The following ZSCAN25 variants were observed in gnomAD, a reference collection of about 807,000 sequenced individuals.
ZSCAN25 encodes the protein zinc finger and SCAN domain-containing protein 25.
A neutral mutation model predicts 38.7 loss-of-function variants in ZSCAN25; 27 were observed. The ratio of observed to expected loss-of-function variants is 0.70; its 90% CI spans 0.51 to 0.96. The LOEUF (loss-of-function observed/expected upper bound fraction) is 0.96. Among genes scored for constraint, ZSCAN25 ranks in the 40% least tolerant of loss-of-function variants. The pLI is 0.00. For missense variants in ZSCAN25, 637 were observed against 705.9 expected (o/e 0.90, Z 1.11); for synonymous variants, 273 against 277.7 (o/e 0.98, Z 0.17).
chr7:99,619,941 C>T lies in ZSCAN25; in HGVS notation c.335C>T (p.Ala112Val), dbSNP rs1215200028. The change falls in exon 4 of 8, where the codon GCC becomes GTC. Residue 112 changes from alanine (A) to valine (V), a missense_variant. Ala to Val is a moderately conservative substitution (Grantham distance 64). Transcript: ENST00000394152. ...IREHGPESGK[A>V]LAAMVEDLTE... Reference sequence around the variant, plus strand: ...GAGCATGGCCCAGAGAGTGGCAAGGCCCTGGCCGCCATGGTGGAGGACCTG... The same window carrying T: ...GAGCATGGCCCAGAGAGTGGCAAGGTCCTGGCCGCCATGGTGGAGGACCTG... 2 of 1,614,170 alleles carry T rather than the reference C, an allele frequency of 1.2e-6. No homozygotes were observed. Among genetic ancestry groups the T allele is most frequent in the East Asian group, 2.2e-5 (1 of 44,884 alleles).
chr7:99,730,976 T>A, the ZSCAN25 span: 1 of 1,553,150 alleles, frequency 6.4e-7, no homozygotes, highest in African/African-American at 1.4e-5. Flanking sequence ...GACCTTCCTC[T>A]TGAGGAGAAG....
At chr7:99,720,529 A>T in the ZSCAN25 span, 1 of 1,131,876 alleles carries the variant, frequency 8.8e-7, no homozygotes, top group Non-Finnish European at 1.3e-6. Flanking sequence ...TGTACAATAC[A>T]CAGTAATCTT....
the ZSCAN25 span, among the ~76,000 whole-genome samples, chr7:99,726,635 C>T: frequency 2.0e-5 from 3 of 152,210 alleles, no homozygotes; most frequent in Non-Finnish European, 4.4e-5. Flanking sequence ...TGCCACAAGG[C>T]TTCTGGGACA....
the ZSCAN25 span, among the ~76,000 whole-genome samples, chr7:99,708,437 C>T: frequency 6.6e-6 from 1 of 151,928 alleles, no homozygotes; most frequent in African/African-American, 2.4e-5. Context: ...TTCTAATTCT[C>T]CTCCTTCTCC....
the ZSCAN25 span, chr7:99,714,743 A>T: frequency 6.3e-7 from 1 of 1,588,660 alleles, no homozygotes; most frequent in East Asian, 2.3e-5. Context: ...ATTTACCTGG[A>T]GCAATTCTAA....
At chr7:99,734,834 C>T in the ZSCAN25 span, among the ~76,000 whole-genome samples, 1 of 152,054 alleles carries the variant, frequency 6.6e-6, no homozygotes, top group African/African-American at 2.4e-5. Flanking sequence ...ATTAGCCAGG[C>T]TGGTCTTGAA....
At chr7:99,716,010 G>A in the ZSCAN25 span, 46 of 1,602,724 alleles carry the variant, frequency 2.9e-5, no homozygotes, top group Non-Finnish European at 3.9e-5. Flanking sequence ...CAGACAAACA[G>A]CCACAGACTT....
At chr7:99,715,785 G>T in the ZSCAN25 span, 1 of 1,613,870 alleles carries the variant, frequency 6.2e-7, no homozygotes, top group South Asian at 1.1e-5. Context: ...GGATCTAATG[G>T]ATTAAATCTT....
At chr7:99,713,448 T>C in the ZSCAN25 span, 28 of 1,613,128 alleles carry the variant, frequency 1.7e-5, no homozygotes, top group African/African-American at 4.0e-5. Context: ...CCAGTAGCCC[T>C]CAGAAGCACT....
chr7:99,695,910 A>G, the ZSCAN25 span: 2 of 1,310,236 alleles, frequency 1.5e-6, no homozygotes, highest in South Asian at 2.5e-5. Context: ...TAAGTCACTG[A>G]CTGAGGAACT....
chr7:99,665,233 G>A, the ZSCAN25 span: 1 of 1,613,726 alleles, frequency 6.2e-7, no homozygotes, highest in African/African-American at 1.3e-5. Context: ...CCACAAAGGG[G>A]TCTTGTGGAT....
chr7:99,620,098 GC>G, intron 4 of ZSCAN25, 105 bp downstream of exon 4: 1 of 1,404,824 alleles, frequency 7.1e-7, no homozygotes, highest in Non-Finnish European at 9.3e-7. Flanking sequence ...GTGTGGAGCC[GC>G]CCTCCTCTGC....
chr7:99,687,137 C>T, the ZSCAN25 span, among the ~76,000 whole-genome samples: 1 of 152,248 alleles, frequency 6.6e-6, no homozygotes, highest in Non-Finnish European at 1.5e-5. Context: ...CAAAGGAATG[C>T]AGCTCCTCAC....
At chr7:99,723,036 A>AG in the ZSCAN25 span, among the ~76,000 whole-genome samples, 1 of 151,036 alleles carries the variant, frequency 6.6e-6, no homozygotes, top group South Asian at 2.1e-4. Flanking sequence ...TTAAAAAAAA[A>AG]CCTTCCTGTT....
the ZSCAN25 span, among the ~76,000 whole-genome samples, chr7:99,708,660 G>A: frequency 1.1e-4 from 17 of 152,164 alleles, no homozygotes; most frequent in African/African-American, 3.4e-4. Context: ...AAGATTAGAC[G>A]CATGTTTTTT....
chr7:99,663,952 C>A, the ZSCAN25 span: 1 of 1,570,348 alleles, frequency 6.4e-7, no homozygotes, highest in South Asian at 1.2e-5. Context: ...GTCATTTAAC[C>A]ACCATCAGAT....
At chr7:99,645,849 G>T in the ZSCAN25 span, among the ~76,000 whole-genome samples, 6 of 151,652 alleles carry the variant, frequency 4.0e-5, no homozygotes, top group South Asian at 2.1e-4. Flanking sequence ...TTAGACCTTT[G>T]TTGGATGTAT....
At chr7:99,617,770 G>C (rs536383603) in intron 1 of ZSCAN25, among the ~76,000 whole-genome samples, 40 of 152,282 alleles carry the variant, frequency 2.6e-4, no homozygotes, top group African/African-American at 9.1e-4. Flanking sequence ...CACAATGGGT[G>C]GGGGGAGATA....
chr7:99,689,273 G>C, the ZSCAN25 span, among the ~76,000 whole-genome samples: 1 of 151,980 alleles, frequency 6.6e-6, no homozygotes, highest in Admixed American at 6.6e-5. Flanking sequence ...ACGCTAGCAA[G>C]ACTAATAAAG....
Sources: gnomAD v4.1 joint callset for allele counts (sites outside exome capture counted in the v4.1 genomes callset) on GRCh38, gnomAD v4.1.1 for gene constraint, MANE v1.5 for transcripts, NCBI Gene and HGNC (gene_info 2026-07-23, HGNC 2026-07-21) for gene names.